The following PCDH15 variants were observed in gnomAD, a reference collection of about 807,000 sequenced individuals.
The protein encoded by PCDH15 is protocadherin related 15.
A neutral mutation model predicts 178.5 loss-of-function variants in PCDH15; 129 were observed. The observed-to-expected ratio is 0.72, with a 90% confidence interval of 0.63 to 0.84. The LOEUF (loss-of-function observed/expected upper bound fraction) is 0.84. Among genes scored for constraint, PCDH15 ranks in the 40% least tolerant of loss-of-function variants. The pLI is 0.00. For missense variants in PCDH15, 2,230 were observed against 2,099.9 expected, an observed-to-expected ratio of 1.06 and a Z score of -1.21; for synonymous variants, 800 against 732.0, an observed-to-expected ratio of 1.09 and a Z score of -1.50.
chr10:55,362,155 A>C (rs1364856204), intron 2 of PCDH15, among the ~76,000 whole-genome samples: 9 of 152,154 alleles, frequency 5.9e-5, no homozygotes, highest in Admixed American at 5.9e-4. Context: ...TAACTTACTT[A>C]ATAAAAGAGA....
chr10:55,352,729 GAT>G (rs1844970211), intron 2 of PCDH15, among the ~76,000 whole-genome samples: 1 of 152,074 alleles, frequency 6.6e-6, no homozygotes, highest in Non-Finnish European at 1.5e-5. Context: ...TTTGGACTAT[GAT>G]GTGTACCAAA....
intron 15 of PCDH15, among the ~76,000 whole-genome samples, chr10:54,131,847 T>C (rs772995522): frequency 6.6e-6 from 1 of 152,236 alleles, no homozygotes; most frequent in African/African-American, 2.4e-5. Flanking sequence ...TGTGTTATTT[T>C]TGCATCATTT....
At chr10:54,507,492 A>T (rs2081267718) in intron 3 of PCDH15, among the ~76,000 whole-genome samples, 1 of 151,880 alleles carries the variant, frequency 6.6e-6, no homozygotes, top group African/African-American at 2.4e-5. Flanking sequence ...CTAGGAACAC[A>T]GTATGGTATA....
At chr10:54,027,485 C>T (rs910449891) in intron 18 of PCDH15, among the ~76,000 whole-genome samples, 6 of 151,500 alleles carry the variant, frequency 4.0e-5, no homozygotes, top group Non-Finnish European at 5.9e-5. Context: ...ATCGCCAAGT[C>T]AATCCTAAGC....
chr10:54,918,305 A>G (rs999473414), intron 2 of PCDH15, among the ~76,000 whole-genome samples: 13 of 151,344 alleles, frequency 8.6e-5, no homozygotes, highest in Admixed American at 6.6e-4. Flanking sequence ...GTTGTATTAT[A>G]TGAAGAACAA....
chr10:53,985,981 T>C (rs2036429982), intron 21 of PCDH15, among the ~76,000 whole-genome samples: 1 of 152,232 alleles, frequency 6.6e-6, no homozygotes, highest in African/African-American at 2.4e-5. Context: ...ACAGCAACCC[T>C]ATAAAGTATT....
chr10:55,013,954 A>C (rs1328319238), intron 2 of PCDH15, among the ~76,000 whole-genome samples: 2 of 152,088 alleles, frequency 1.3e-5, no homozygotes, highest in Non-Finnish European at 2.9e-5. Flanking sequence ...TCTAGTCTCT[A>C]TGAATTCAAT....
At chr10:55,584,824 G>C (rs929395678) in intron 2 of PCDH15, among the ~76,000 whole-genome samples, 3 of 151,394 alleles carry the variant, frequency 2.0e-5, no homozygotes, top group Non-Finnish European at 1.5e-5. Context: ...TTTAAACTTG[G>C]TAAAATGTTA....
chr10:54,810,950 G>A (rs1258236070), intron 3 of PCDH15, among the ~76,000 whole-genome samples: 2 of 152,016 alleles, frequency 1.3e-5, no homozygotes, highest in East Asian at 1.9e-4. Flanking sequence ...ATAATACTGT[G>A]ACTTTGGAGG....
At position 54,136,503 on chromosome 10, in the gene PCDH15, G is replaced by A. The variant is rs534596613; in HGVS notation, c.1785-3496C>T. The stretch of plus-strand genomic sequence containing the variant: ...ATATTCTTTAGATCTTCAGTTTACT[G>A]GTCAAGAATACTTTATAAAGGTTTT... On this transcript the variant is annotated intron_variant, in intron 14 of 37. Transcript: ENST00000644397. Among the ~76,000 whole-genome samples, 14 of 151,470 alleles carry A rather than the reference G, an allele frequency of 9.2e-5. No homozygotes were observed. In the East Asian group the frequency reaches 9.8e-4, roughly 11 times the overall value.
intron 21 of PCDH15, among the ~76,000 whole-genome samples, chr10:53,973,843 A>G (rs1422073261): frequency 6.6e-6 from 1 of 152,172 alleles, no homozygotes; most frequent in Non-Finnish European, 1.5e-5. Flanking sequence ...GAGCCTTTCT[A>G]ATTGGTAAAG....
intron 8 of PCDH15, among the ~76,000 whole-genome samples, chr10:54,269,576 C>G (rs1204126164): frequency 6.6e-6 from 1 of 151,930 alleles, no homozygotes; most frequent in Non-Finnish European, 1.5e-5. Context: ...TATGATTCTT[C>G]ACTTGGTATG....
chr10:54,685,029 A>T (rs945026662), intron 1 of PCDH15, among the ~76,000 whole-genome samples: 18 of 151,862 alleles, frequency 1.2e-4, no homozygotes, highest in Admixed American at 7.2e-4. Flanking sequence ...TTCTATTTTA[A>T]AAATTATTAA....
intron 15 of PCDH15, among the ~76,000 whole-genome samples, chr10:54,101,782 C>T (rs543110888): frequency 8.6e-5 from 13 of 151,974 alleles, no homozygotes; most frequent in African/African-American, 2.2e-4. Flanking sequence ...GCGTGGGCAA[C>T]ATGGTGAAAC....
At chr10:55,537,418 T>C (rs189197848) in intron 2 of PCDH15, among the ~76,000 whole-genome samples, 51 of 139,808 alleles carry the variant, frequency 3.6e-4, no homozygotes, top group Middle Eastern at 3.7e-3. Flanking sequence ...TATTTATGTA[T>C]GTATGTATGT....
At chr10:54,709,785 G>A (rs116205151) in intron 1 of PCDH15, among the ~76,000 whole-genome samples, 2,549 of 148,332 alleles carry the variant, frequency 0.017, 72 homozygotes, top group African/African-American at 0.058. Context: ...TATAAAATAA[G>A]GCTTACATTG....
intron 2 of PCDH15, among the ~76,000 whole-genome samples, chr10:55,615,113 TA>T (rs1843448049): frequency 6.6e-6 from 1 of 152,090 alleles, no homozygotes; most frequent in African/African-American, 2.4e-5. Flanking sequence ...CTGGAAACAG[TA>T]AAGCAAGACT....
intron 20 of PCDH15, among the ~76,000 whole-genome samples, chr10:54,007,404 T>C (rs988631849): frequency 5.3e-5 from 8 of 152,066 alleles, no homozygotes; most frequent in African/African-American, 1.9e-4. Flanking sequence ...TAATTTACTA[T>C]CATCACAGAT....
intron 2 of PCDH15, among the ~76,000 whole-genome samples, chr10:54,982,115 G>A (rs762813627): frequency 3.9e-5 from 6 of 151,948 alleles, no homozygotes; most frequent in Non-Finnish European, 7.4e-5. Context: ...TTACTTCAGA[G>A]CCGTTCAAAA....
Sources: allele counts gnomAD v4.1 joint callset (sites outside exome capture counted in the v4.1 genomes callset), GRCh38; gene constraint gnomAD v4.1.1; transcripts MANE v1.5; gene names NCBI Gene and HGNC (gene_info 2026-07-23, HGNC 2026-07-21).